The following COL9A1 variants were observed in gnomAD, a reference collection of about 807,000 sequenced individuals.
COL9A1 encodes the protein collagen type IX alpha 1 chain.
COL9A1 carries 104 observed loss-of-function variants against 142.6 expected under a neutral mutation model. The ratio of observed to expected loss-of-function variants is 0.73; its 90% CI spans 0.62 to 0.86. The LOEUF (loss-of-function observed/expected upper bound fraction) is 0.86. COL9A1 is among the 40% of genes least tolerant of loss of function. The probability of loss-of-function intolerance (pLI) is 0.00; values close to 1 mark genes in which losing one functional copy is unlikely to be tolerated. For missense variants in COL9A1, 1,210 were observed against 1,176.6 expected (o/e 1.03, Z -0.42); for synonymous variants, 466 against 396.0 (o/e 1.18, Z -2.10).
At chr6:70,229,033 G>A (rs3806070) in intron 36 of COL9A1, among the ~76,000 whole-genome samples, 22,399 of 152,052 alleles carry the variant, frequency 0.15, 2,023 homozygotes, top group African/African-American at 0.25. Context: ...CTTTTACACT[G>A]ATAGTAAAAG....
At position 70,274,733 on chromosome 6, in the gene COL9A1, A is replaced by G. The variant is rs592121; in HGVS notation, c.1015T>C (p.Ser339Pro). The change falls in exon 11 of 38, where the codon TCA (serine) becomes CCA (proline). Residue 339 changes from serine (S) to proline (P), a missense_variant. Coordinates refer to ENST00000357250, the MANE Select transcript of COL9A1 (RefSeq NM_001851.6). Reference protein sequence around the residue: ...GPDGSPGSIGSKGQKGEPGVP... With the variant: ...GPDGSPGSIGPKGQKGEPGVP... ...GGCTAACTTACTTTTTGTCCCTTTG[A>G]CCCAATGGAGCCAGGGGATCCATCA... 0.4 allele frequency: 636,735 copies of G among 1,608,134 alleles called. 130,770 individuals carry two copies. The highest frequency in any genetic ancestry group is 0.68 in the African/African-American group (51,160 of 74,764).
At position 70,271,649 on chromosome 6, in the gene COL9A1, A is replaced by C; in HGVS notation, c.1143+6T>G. The stretch of plus-strand genomic sequence containing the variant: ...AACGTCTATCAAAGTGCACTGTGGT[A>C]CTCACAACAGGTCCTACACGGCCAA... On this transcript the variant is annotated splice_donor_region_variant and intron_variant, in intron 14 of 37. Coordinates refer to ENST00000357250, the MANE Select transcript of COL9A1 (RefSeq NM_001851.6). The C allele has an allele frequency of 1.9e-6, 3 of 1,612,774 alleles. No individual in the cohort carries two copies. The highest frequency in any genetic ancestry group is 2.5e-6 in the Non-Finnish European group (3 of 1,178,862).
At position 70,236,112 on chromosome 6, in the gene COL9A1, C is replaced by CAAAAA. The variant is rs368419095; in HGVS notation, c.2113-1177_2113-1173dup. Among the ~76,000 whole-genome samples, 11 of 49,026 alleles carry CAAAAA rather than the reference C, an allele frequency of 2.2e-4. 1 individual carries two copies. Among genetic ancestry groups the CAAAAA allele is most frequent in the African/African-American group, 9.1e-4 (9 of 9,942 alleles). 32.2% of individuals were successfully genotyped at this position (49,026 alleles called of 152,430 possible). A position where few individuals can be genotyped will look rare whatever the true frequency, so the allele number is the denominator to read the frequency against. ...TGGGTGACAGAGCGAGACTCCATCT[C>CAAAAA]AAAAAAAAAAAAAAAAAAAAAAAAA... On this transcript the variant is annotated intron_variant, in intron 33 of 37. Coordinates refer to ENST00000357250, the MANE Select transcript of COL9A1 (RefSeq NM_001851.6).
At chr6:70,220,139 GTCA>G (rs147934773) in intron 37 of COL9A1, among the ~76,000 whole-genome samples, 9,597 of 151,162 alleles carry the variant, frequency 0.063, 842 homozygotes, top group African/African-American at 0.2. Context: ...TTTTGATGAT[GTCA>G]TCATCATCAT....
intron 5 of COL9A1, 65 bp from the exon 6 acceptor site, chr6:70,283,885 A>C (rs1773331574): frequency 8.8e-7 from 1 of 1,142,620 alleles, no homozygotes; most frequent in Non-Finnish European, 1.3e-6. Flanking sequence ...CATTCAAGAG[A>C]GAGATGAGTT....
chr6:70,271,932 G>A, intron 13 of COL9A1, 133 bp downstream of exon 13: 1 of 975,600 alleles, frequency 1.0e-6, no homozygotes, highest in Non-Finnish European at 1.6e-6. Flanking sequence ...ATCCTTAGTA[G>A]CCACCTAAGA....
chr6:70,300,982 G>A (rs777238927), intron 2 of COL9A1, among the ~76,000 whole-genome samples: 3 of 152,118 alleles, frequency 2.0e-5, no homozygotes, highest in Non-Finnish European at 4.4e-5. Context: ...ATAGAGGATG[G>A]ATTTGATTTC....
Position 70,268,750 on chromosome 6 carries a change from G to T in COL9A1, c.1287+54C>A, listed in dbSNP as rs1772198953. ...AGGAAGGCTAATGCTTAAAGTAAAG[G>T]CTCCATTTTATCTGTGGATAATACT... On this transcript the variant is annotated intron_variant, in intron 17 of 37. Transcript: ENST00000357250. The T allele has an allele frequency of 4.0e-6, 6 of 1,518,768 alleles. No individual in the cohort carries two copies. The East Asian group carries it at 6.8e-5, about 17-fold the overall frequency. The allele number at this position is 1,518,768 out of a possible 1,614,324, so 94.1% of individuals were successfully genotyped here. A position where few individuals can be genotyped will look rare whatever the true frequency, so the allele number is the denominator to read the frequency against.
At chr6:70,289,197 C>A (rs1326081675) in intron 5 of COL9A1, among the ~76,000 whole-genome samples, 1 of 151,998 alleles carries the variant, frequency 6.6e-6, no homozygotes, top group East Asian at 1.9e-4. Flanking sequence ...ACACTGGAAC[C>A]AAAGAAACTA....
chr6:70,299,265 ATTAT>A (rs1773964488), intron 4 of COL9A1, among the ~76,000 whole-genome samples: 1 of 151,986 alleles, frequency 6.6e-6, no homozygotes, highest in Non-Finnish European at 1.5e-5. Flanking sequence ...CTAATTAATC[ATTAT>A]TTATCTTTAT....
chr6:70,283,651 T>C, intron 6 of COL9A1, 86 bp downstream of exon 6: 1 of 956,698 alleles, frequency 1.0e-6, no homozygotes, highest in Non-Finnish European at 1.7e-6. Context: ...GGAGGGGTGC[T>C]GGGGAGGTGG....
At chr6:70,261,629 T>A (rs1414324578) in intron 19 of COL9A1, among the ~76,000 whole-genome samples, 1 of 152,212 alleles carries the variant, frequency 6.6e-6, no homozygotes, top group Non-Finnish European at 1.5e-5. Context: ...TCTATGTAGA[T>A]CAGTCAGGAA....
intron 1 of COL9A1, 79 bp downstream of exon 1, chr6:70,302,829 ACTG>A: frequency 6.8e-7 from 1 of 1,463,780 alleles, no homozygotes; most frequent in South Asian, 1.1e-5. Context: ...TCATCTTACC[ACTG>A]CTGCAAAAAT....
At chr6:70,299,735 A>G (rs2127608145) in intron 4 of COL9A1, among the ~76,000 whole-genome samples, 1 of 152,298 alleles carries the variant, frequency 6.6e-6, no homozygotes, top group East Asian at 1.9e-4. Context: ...CTTTTCACAG[A>G]GGGTCCTTTC....
In COL9A1 at chr6:70,217,040, C is replaced by T. The variant is rs199581593; in HGVS notation, c.2623G>A (p.Gly875Ser). Residue 875 changes from glycine to serine, a missense_variant, in exon 38 of 38, where the codon GGT (glycine) becomes AGT (serine). Transcript: ENST00000357250. ...PASYGRNGRD[G>S]ERGPPGVAGI... The stretch of plus-strand genomic sequence containing the variant: ...GCCACCCCTGGGGGGCCTCGCTCAC[C>T]GTCTCGGCCATTTCTGCCATAGCTG... The T allele has an allele frequency of 3.5e-5, 57 of 1,614,046 alleles. No individual in the cohort carries two copies. Among genetic ancestry groups the T allele is most frequent in the South Asian group, 4.4e-5 (4 of 91,090 alleles).
rs71309305 is a variant in COL9A1, at chr6:70,273,941, TAATAAATAAATAAATA to T, written c.1065+90_1065+105del. 23 of 474,096 alleles carry T rather than the reference TAATAAATAAATAAATA, an allele frequency of 4.9e-5. 3 individuals carry two copies. The highest frequency in any genetic ancestry group is 1.4e-4 in the Admixed American group (3 of 21,076). 29.4% of individuals were successfully genotyped at this position (474,096 alleles called of 1,614,324 possible). A position where few individuals can be genotyped will look rare whatever the true frequency, so the allele number is the denominator to read the frequency against. ...ATGTACCCTAAAACTTAAAGTATAA[TAATAAATAAATAAATA>T]AATAAATAAATAAATAAAAAGATTT... On this transcript the variant is annotated intron_variant, in intron 12 of 37. Transcript: ENST00000357250.
intron 4 of COL9A1, among the ~76,000 whole-genome samples, chr6:70,295,905 A>T (rs761121871): frequency 8.5e-5 from 13 of 152,230 alleles, no homozygotes; most frequent in Admixed American, 2.0e-4. Flanking sequence ...ACTAAATGCT[A>T]ATGAATTTTC....
chr6:70,280,085 T>C, intron 10 of COL9A1: 1 of 668,366 alleles, frequency 1.5e-6, no homozygotes, highest in East Asian at 2.7e-5. Context: ...GAAGTCATTT[T>C]ACTCTGAAGA....
chr6:70,234,304 C>CCAAA (rs1769751605), intron 35 of COL9A1, among the ~76,000 whole-genome samples: 1 of 143,850 alleles, frequency 7.0e-6, no homozygotes, highest in Non-Finnish European at 1.5e-5. Context: ...CAAAACAAAA[C>CCAAA]AAAAAAAAGG....
Sources: allele counts gnomAD v4.1 joint callset (sites outside exome capture counted in the v4.1 genomes callset), GRCh38; gene constraint gnomAD v4.1.1; transcripts MANE v1.5; gene names NCBI Gene and HGNC (gene_info 2026-07-23, HGNC 2026-07-21).